PHLDB2: variants seen among roughly 807,000 people sequenced by gnomAD.
PHLDB2 encodes the protein pleckstrin homology like domain family B member 2.
PHLDB2 carries 71 observed loss-of-function variants against 123.6 expected under a neutral mutation model. The observed-to-expected ratio is 0.57, with a 90% CI of 0.47 to 0.70. The LOEUF (loss-of-function observed/expected upper bound fraction) is 0.70, where lower values mean the gene tolerates loss of function less well. Ranked by LOEUF, PHLDB2 falls within the 30% of genes least tolerant of loss-of-function variation. The pLI, the probability that PHLDB2 is intolerant of heterozygous loss-of-function variation, is 0.00. For missense variants in PHLDB2, 1,446 were observed against 1,519.5 expected (o/e 0.95, Z 0.80); for synonymous variants, 547 against 541.6 (o/e 1.01, Z -0.14).
intron 2 of PHLDB2, among the ~76,000 whole-genome samples, chr3:111,905,356 CATTT>C (rs535297556): frequency 1.3e-4 from 20 of 151,724 alleles, no homozygotes; most frequent in Non-Finnish European, 1.9e-4. Flanking sequence ...TTTTTTAAGT[CATTT>C]ATTTATTTAT....
chr3:111,857,097 C>A (rs575228200), upstream of PHLDB2, among the ~76,000 whole-genome samples: 1 of 151,942 alleles, frequency 6.6e-6, no homozygotes, highest in Non-Finnish European at 1.5e-5. Context: ...TGAGATAGAA[C>A]GGATTTACCT....
chr3:111,973,132 G>A (rs190681188), intron 16 of PHLDB2, among the ~76,000 whole-genome samples: 180 of 152,186 alleles, frequency 1.2e-3, no homozygotes, highest in Non-Finnish European at 1.6e-3. Context: ...GGTTGTTTTT[G>A]TTTTGCTTTG....
rs9868608 is a variant in PHLDB2, at chr3:111,959,297, T to A, written c.2873-2811T>A. 7.4e-3 allele frequency among the ~76,000 whole-genome samples: 1,132 copies of A among 152,324 alleles called. 8 individuals carry two copies. Among genetic ancestry groups the A allele is most frequent in the African/African-American group, 0.026 (1,075 of 41,548 alleles). ...CAGGGGTTACCTGTTTTTGGGGGATTTGTTCAGCAGGGAGGAAGCTAGGCC... is the reference window on the plus strand; with the variant it reads ...CAGGGGTTACCTGTTTTTGGGGGATATGTTCAGCAGGGAGGAAGCTAGGCC... On this transcript the variant is annotated intron_variant, in intron 12 of 17. Coordinates refer to ENST00000431670, the MANE Select transcript of PHLDB2 (RefSeq NM_001134438.2).
chr3:111,777,164 A>C (rs2060281587), intron 1 of PHLDB2, among the ~76,000 whole-genome samples: 1 of 151,928 alleles, frequency 6.6e-6, no homozygotes, highest in Non-Finnish European at 1.5e-5. Context: ...TAGAAAAAAA[A>C]ATAACTAGGA....
intron 1 of PHLDB2, among the ~76,000 whole-genome samples, chr3:111,733,486 A>AC (rs988764556): frequency 6.6e-6 from 1 of 151,684 alleles, no homozygotes; most frequent in Non-Finnish European, 1.5e-5. Context: ...ATATCCCAAG[A>AC]CCCCCCTTCC....
intron 4 of PHLDB2, among the ~76,000 whole-genome samples, 168 bp downstream of exon 4, chr3:111,919,383 T>A (rs2107526377): frequency 7.6e-6 from 1 of 132,414 alleles, no homozygotes; most frequent in Non-Finnish European, 1.6e-5. Context: ...TCTACATTCC[T>A]TTTTTCTTTC....
At chr3:111,877,118 A>T (rs2065669121) in intron 1 of PHLDB2, among the ~76,000 whole-genome samples, 1 of 152,184 alleles carries the variant, frequency 6.6e-6, no homozygotes, top group Non-Finnish European at 1.5e-5. Context: ...TGGTATTTCT[A>T]GTTCTAGATC....
chr3:111,967,578 C>G (rs1248091080), intron 14 of PHLDB2, 100 bp from the exon 15 acceptor site: 2 of 1,285,968 alleles, frequency 1.6e-6, no homozygotes, highest in Non-Finnish European at 2.1e-6. Context: ...GTCTACAAAC[C>G]AAGATTTGTC....
At chr3:111,745,931 T>C (rs2059674534) in intron 1 of PHLDB2, among the ~76,000 whole-genome samples, 1 of 152,152 alleles carries the variant, frequency 6.6e-6, no homozygotes, top group African/African-American at 2.4e-5. Context: ...GTCACCTGAG[T>C]ACCTCCAAAC....
At chr3:111,909,036 T>C (rs2067717514) in intron 2 of PHLDB2, among the ~76,000 whole-genome samples, 1 of 152,162 alleles carries the variant, frequency 6.6e-6, no homozygotes, top group South Asian at 2.1e-4. Flanking sequence ...ACCCCATCTC[T>C]CTAGCCACAT....
At chr3:111,831,686 G>A (rs1331367900) in intron 1 of PHLDB2, among the ~76,000 whole-genome samples, 1 of 152,134 alleles carries the variant, frequency 6.6e-6, no homozygotes, top group Non-Finnish European at 1.5e-5. Context: ...ATATCTATCT[G>A]TATCTATCTA....
At chr3:111,939,812 A>G (rs1425392632) in intron 7 of PHLDB2, among the ~76,000 whole-genome samples, 182 bp downstream of exon 7, 3 of 152,232 alleles carry the variant, frequency 2.0e-5, no homozygotes, top group African/African-American at 7.2e-5. Flanking sequence ...AATGCTGTAG[A>G]TGCATTTATG....
intron 1 of PHLDB2, among the ~76,000 whole-genome samples, chr3:111,797,523 G>A (rs1203070531): frequency 6.6e-6 from 1 of 152,148 alleles, no homozygotes; most frequent in East Asian, 1.9e-4. Flanking sequence ...CCATGTGTAA[G>A]GATTCCGTAA....
At chr3:111,747,314 G>A (rs2059696634) in intron 1 of PHLDB2, among the ~76,000 whole-genome samples, 1 of 152,076 alleles carries the variant, frequency 6.6e-6, no homozygotes, top group Non-Finnish European at 1.5e-5. Context: ...TGTGAAGACA[G>A]CACAAGAATG....
intron 1 of PHLDB2, among the ~76,000 whole-genome samples, chr3:111,775,611 G>A (rs6790612): frequency 0.27 from 40,702 of 151,912 alleles, 6,902 homozygotes; most frequent in African/African-American, 0.48. Context: ...AATGTCATTC[G>A]AGTCATGTGC....
intron 5 of PHLDB2, among the ~76,000 whole-genome samples, chr3:111,926,725 CATT>C (rs982512059): frequency 6.6e-5 from 10 of 152,160 alleles, no homozygotes; most frequent in African/African-American, 2.4e-4. Flanking sequence ...ACTCAACAAT[CATT>C]ATTTGTTGAC....
rs547639118 is a variant in PHLDB2, at chr3:111,767,725, A to G, written c.-49+35022A>G. 5.9e-5 allele frequency among the ~76,000 whole-genome samples: 9 copies of G among 152,342 alleles called. No homozygotes were observed. In the South Asian group the frequency reaches 1.7e-3, roughly 28 times the overall value. ...GTCATTGTTCTCATTCTCAACAGCTATCTCTTACCCTTGTAGGTATTCTTA... is the reference window on the plus strand; with the variant it reads ...GTCATTGTTCTCATTCTCAACAGCTGTCTCTTACCCTTGTAGGTATTCTTA... On this transcript the variant is annotated intron_variant, in intron 1 of 17. Transcript: ENST00000393923.
At chr3:111,860,421 G>T (rs2064769671) in intron 1 of PHLDB2, among the ~76,000 whole-genome samples, 1 of 152,234 alleles carries the variant, frequency 6.6e-6, no homozygotes, top group Admixed American at 6.5e-5. Context: ...GGAAGGCTTG[G>T]GGAGTATTTT....
intron 1 of PHLDB2, among the ~76,000 whole-genome samples, chr3:111,874,037 A>G (rs1044643193): frequency 6.6e-6 from 1 of 152,224 alleles, no homozygotes; most frequent in Non-Finnish European, 1.5e-5. Context: ...TTGCTTTTTA[A>G]TTCTATCAGA....
Sources: gnomAD v4.1 joint callset for allele counts (sites outside exome capture counted in the v4.1 genomes callset) on GRCh38, gnomAD v4.1.1 for gene constraint, MANE v1.5 for transcripts, NCBI Gene and HGNC (gene_info 2026-07-23, HGNC 2026-07-21) for gene names.